Variants in CADPS observed in about 807,000 individuals in gnomAD.
CADPS encodes calcium-dependent secretion activator 1.
In CADPS, 57 loss-of-function variants were observed where a neutral mutation model predicts 167.3. That is an observed-to-expected ratio of 0.34 (90% CI 0.28 to 0.42). The LOEUF is 0.42. Among genes scored for constraint, CADPS ranks in the 20% least tolerant of loss-of-function variants. The pLI, the probability that CADPS is intolerant of heterozygous loss-of-function variation, is 1.00. For synonymous variants in CADPS, 676 were observed against 635.3 expected, an observed-to-expected ratio of 1.06 and a Z score of -0.96; for missense variants, 1,414 against 1,738.1, an observed-to-expected ratio of 0.81 and a Z score of 3.32.
At chr3:62,843,258 A>G (rs2076896484) in intron 1 of CADPS, among the ~76,000 whole-genome samples, 1 of 152,254 alleles carries the variant, frequency 6.6e-6, no homozygotes, top group South Asian at 2.1e-4. Flanking sequence ...GGTTAATAAT[A>G]TTAAACAGAA....
At chr3:62,677,844 T>C (rs978879) in intron 3 of CADPS, among the ~76,000 whole-genome samples, 125,922 of 152,050 alleles carry the variant, frequency 0.83, 52,183 homozygotes, top group East Asian at 0.89. Context: ...TTTTGACAGT[T>C]CATATGTGGT....
chr3:62,578,434 C>T (rs2082721743), intron 8 of CADPS, among the ~76,000 whole-genome samples: 1 of 151,526 alleles, frequency 6.6e-6, no homozygotes, highest in African/African-American at 2.4e-5. Flanking sequence ...CACGGTGAAA[C>T]CCTGTCTGTA....
rs918928323 is a variant in CADPS at position 62,874,029 on chromosome 3, G to A, written c.441+560C>T. On this transcript the variant is annotated intron_variant, in intron 1 of 29. Coordinates refer to ENST00000383710, the MANE Select transcript of CADPS (RefSeq NM_003716.4). This position sits in a 1 kb window ranked among gnomAD's most constrained non-coding sequence, Gnocchi z 7.1. ...CCTTCGCAGAGTCACGGGAAGCTTCGCCTTCTGGGCTTGCTTTCTCCCGCC... is the reference window on the plus strand; with the variant it reads ...CCTTCGCAGAGTCACGGGAAGCTTCACCTTCTGGGCTTGCTTTCTCCCGCC... Among the ~76,000 whole-genome samples the A allele has an allele frequency of 3.9e-5, 6 of 152,192 alleles. No individual in the cohort carries two copies. The highest frequency in any genetic ancestry group is 1.4e-4 in the African/African-American group (6 of 41,474).
intron 3 of CADPS, among the ~76,000 whole-genome samples, chr3:62,667,024 T>G (rs1040197702): frequency 3.5e-5 from 5 of 143,796 alleles, no homozygotes; most frequent in Middle Eastern, 3.3e-3. Flanking sequence ...CAGACCGACT[T>G]GGTTCCAATC....
At chr3:62,439,477 T>C (rs1282206079) in intron 27 of CADPS, 3 of 152,228 alleles carry the variant, frequency 2.0e-5, no homozygotes, top group Non-Finnish European at 4.4e-5. Context: ...AGTGTTACAC[T>C]TTCAAACAAT....
chr3:62,500,673 G>C (rs751872200), intron 17 of CADPS: 3 of 152,116 alleles, frequency 2.0e-5, no homozygotes, highest in African/African-American at 4.8e-5. Flanking sequence ...CTCTTCATCT[G>C]AAACAGGTAT....
chr3:62,800,786 C>A (rs184810998), intron 1 of CADPS, among the ~76,000 whole-genome samples: 39 of 152,140 alleles, frequency 2.6e-4, no homozygotes, highest in African/African-American at 8.4e-4. Flanking sequence ...TTGGAATAAA[C>A]CAAAACAACA....
intron 1 of CADPS, among the ~76,000 whole-genome samples, chr3:62,800,962 C>G (rs1359535327): frequency 6.6e-6 from 1 of 152,088 alleles, no homozygotes; most frequent in Non-Finnish European, 1.5e-5. Context: ...CAGAGCTTAG[C>G]TACATTTGTT....
At chr3:62,402,801 T>A (rs1172240020) in intron 29 of CADPS, among the ~76,000 whole-genome samples, 1 of 152,236 alleles carries the variant, frequency 6.6e-6, no homozygotes, top group East Asian at 1.9e-4. Flanking sequence ...GAAAGTCTAA[T>A]GCAAAGGACA....
intron 1 of CADPS, among the ~76,000 whole-genome samples, chr3:62,861,016 G>C (rs1188134362): frequency 6.6e-6 from 1 of 152,126 alleles, no homozygotes; most frequent in Non-Finnish European, 1.5e-5. Flanking sequence ...TTTCTCCCCA[G>C]ATTCCAAACC....
At chr3:62,710,823 G>T (rs777161883) in intron 3 of CADPS, among the ~76,000 whole-genome samples, 53 of 152,054 alleles carry the variant, frequency 3.5e-4, no homozygotes, top group Non-Finnish European at 7.2e-4. Flanking sequence ...TTAATTATCA[G>T]AGCAAAGAGG....
chr3:62,774,700 T>C (rs1020609654), intron 1 of CADPS, among the ~76,000 whole-genome samples: 1 of 152,230 alleles, frequency 6.6e-6, no homozygotes, highest in Non-Finnish European at 1.5e-5. Context: ...AAATATCTTT[T>C]AGAGATGAGT....
At position 62,592,718 on chromosome 3, in the gene CADPS, G is replaced by C; in HGVS notation, c.1356C>G (p.Thr452=). ...TCACCTTCACAGCTGGCAGTGCATG[G>C]GTTGTGGAGAAGTCACCCTGGGTGC... The part of the protein sequence containing the change: ...TWGTQGDFST[T]HALPAVKVKL... Residue 452 remains threonine (T), a synonymous_variant, in exon 7 of 30, where the codon ACC becomes ACG. Coordinates refer to ENST00000383710, the MANE Select transcript of CADPS (RefSeq NM_003716.4). The C allele has an allele frequency of 1.2e-6, 2 of 1,614,134 alleles. No individual in the cohort carries two copies. The highest frequency in any genetic ancestry group is 1.7e-6 in the Non-Finnish European group (2 of 1,179,980).
At chr3:62,834,742 C>A (rs952273556) in intron 1 of CADPS, among the ~76,000 whole-genome samples, 3 of 152,174 alleles carry the variant, frequency 2.0e-5, no homozygotes, top group Non-Finnish European at 4.4e-5. Context: ...ATTTGCTCCT[C>A]CTTTCTGTCT....
intron 6 of CADPS, among the ~76,000 whole-genome samples, chr3:62,610,757 G>C (rs945611907): frequency 2.6e-5 from 4 of 151,982 alleles, no homozygotes; most frequent in African/African-American, 9.7e-5. Flanking sequence ...GCTCTCCCCT[G>C]TCTCACTAGC....
chr3:62,841,185 G>C (rs1368059217), intron 1 of CADPS, among the ~76,000 whole-genome samples: 1 of 152,152 alleles, frequency 6.6e-6, no homozygotes, highest in African/African-American at 2.4e-5. Flanking sequence ...ACACCAACCA[G>C]AGCTAGAAAT....
chr3:62,552,710 G>A (rs571448021), intron 10 of CADPS, among the ~76,000 whole-genome samples: 2 of 152,318 alleles, frequency 1.3e-5, no homozygotes, highest in East Asian at 1.9e-4. Flanking sequence ...TGCTGCAAGC[G>A]TGGGTGTGTA....
At chr3:62,766,297 A>G (rs1176225038) in intron 1 of CADPS, among the ~76,000 whole-genome samples, 2 of 152,118 alleles carry the variant, frequency 1.3e-5, no homozygotes, top group Non-Finnish European at 2.9e-5. Context: ...CACCTATGGT[A>G]TTTGCATGAG....
At chr3:62,624,410 A>C (rs1461207205) in intron 6 of CADPS, among the ~76,000 whole-genome samples, 1 of 152,136 alleles carries the variant, frequency 6.6e-6, no homozygotes, top group Non-Finnish European at 1.5e-5. Context: ...TTTCAGAAAA[A>C]AAGATGCCAA....
Sources: gnomAD v4.1 joint callset for allele counts (sites outside exome capture counted in the v4.1 genomes callset) on GRCh38, gnomAD v4.1.1 for gene constraint, Gnocchi (gnomAD v3.1) non-coding constraint, MANE v1.5 for transcripts, NCBI Gene and HGNC (gene_info 2026-07-23, HGNC 2026-07-21) for gene names.